The following UTRN variants were observed in gnomAD, a reference collection of about 807,000 sequenced individuals.
The protein encoded by UTRN is dystrophin-related protein 1.
In UTRN, 283 loss-of-function variants were observed where a neutral mutation model predicts 463.9. The observed-to-expected ratio is 0.61, with a 90% confidence interval of 0.55 to 0.67. UTRN has a LOEUF of 0.67. Among genes scored for constraint, UTRN ranks in the 30% least tolerant of loss-of-function variants. UTRN has a pLI of 0.00. For synonymous variants in UTRN, 1,442 were observed against 1,431.5 expected, an observed-to-expected ratio of 1.01 and a Z score of -0.17; for missense variants, 3,922 against 4,084.3, an observed-to-expected ratio of 0.96 and a Z score of 1.08.
intron 65 of UTRN, among the ~76,000 whole-genome samples, chr6:144,816,687 A>T (rs1243300980): frequency 6.7e-6 from 1 of 149,680 alleles, no homozygotes; most frequent in African/African-American, 2.5e-5. Context: ...AATCTTTTTT[A>T]AGTAGCTGGG....
chr6:144,690,558 C>T (rs939347130), intron 52 of UTRN, among the ~76,000 whole-genome samples: 2 of 152,140 alleles, frequency 1.3e-5, no homozygotes, highest in Non-Finnish European at 2.9e-5. Context: ...TATGCCCACT[C>T]AAGTTTATAT....
In UTRN at chr6:144,700,187, CA is replaced by C. The variant is rs1194097624; in HGVS notation, c.7756del (p.Met2586CysfsTer20). ...LNMKDEELKK[Q>X]MPIGGDVPAL... is the part of the protein sequence containing the mutation. ...TATGAAAGATGAAGAGCTTAAGAAA[CA>C]AATGCCTATTGGAGGAGATGTTCCA... On this transcript the variant is annotated frameshift_variant, in exon 53 of 75. Transcript: ENST00000367545. LOFTEE classifies it high-confidence loss of function. 3 of 1,613,462 alleles carry C rather than the reference CA, an allele frequency of 1.9e-6. No individual in the cohort carries two copies. The highest frequency in any genetic ancestry group is 3.3e-5 in the Admixed American group (2 of 59,966).
At chr6:144,533,015 T>C (rs1359518865) in intron 42 of UTRN, 70 bp from the exon 43 acceptor site, 2 of 793,174 alleles carry the variant, frequency 2.5e-6, no homozygotes, top group Non-Finnish European at 4.1e-6. Context: ...CCACAATACT[T>C]GGGTGGATTC....
In UTRN at chr6:144,852,823, A is replaced by G. The variant is rs544574407; in HGVS notation, c.*1826A>G. ...TTTTCTGCCTGTATTTGTATGCAAA[A>G]TGTCCTCTATCTGCTATTAAAGAAA... On this transcript the variant is annotated 3_prime_UTR_variant, in exon 75 of 75. Transcript: ENST00000367545. The G allele has an allele frequency of 2.6e-4, 39 of 152,734 alleles. No homozygotes were observed. The highest frequency in any genetic ancestry group is 1.1e-3 in the Admixed American group (17 of 15,302). The allele number at this position is 152,734 out of a possible 1,614,324, so 9.5% of individuals were successfully genotyped here.
chr6:144,850,326 C>A (rs138115283), intron 74 of UTRN, among the ~76,000 whole-genome samples: 3 of 152,236 alleles, frequency 2.0e-5, no homozygotes, highest in Non-Finnish European at 4.4e-5. Flanking sequence ...GAATATCTTT[C>A]CTGAGGGTCC....
Position 144,686,076 on chromosome 6 carries a change from T to C in UTRN, c.7652+7498T>C, listed in dbSNP as rs138367345. Among the ~76,000 whole-genome samples, 392 of 152,172 alleles carry C rather than the reference T, an allele frequency of 2.6e-3. 4 individuals carry two copies. Among genetic ancestry groups the C allele is most frequent in the African/African-American group, 8.6e-3 (358 of 41,542 alleles). ...TCCATGTTGAGTTGATTTTTGTATA[T>C]AGTGAGAAATAGGAATTCAGTTTCA... On this transcript the variant is annotated intron_variant, in intron 52 of 74. Coordinates refer to ENST00000367545, the MANE Select transcript of UTRN (RefSeq NM_007124.3).
chr6:144,848,056 GC>G (rs1183156606), intron 74 of UTRN, among the ~76,000 whole-genome samples: 3 of 152,180 alleles, frequency 2.0e-5, no homozygotes, highest in Admixed American at 2.0e-4. Context: ...TGTGAAGTAG[GC>G]TAGGGGTGTG....
At chr6:144,467,961 A>G (rs1216072248) in intron 23 of UTRN, among the ~76,000 whole-genome samples, 1 of 152,088 alleles carries the variant, frequency 6.6e-6, no homozygotes, top group Non-Finnish European at 1.5e-5. Context: ...ATTGAGTATT[A>G]TAAAGTGAAA....
intron 58 of UTRN, among the ~76,000 whole-genome samples, chr6:144,761,780 G>C (rs1178866939): frequency 6.6e-6 from 1 of 152,070 alleles, no homozygotes; most frequent in African/African-American, 2.4e-5. Context: ...TTTTGGTTAT[G>C]TATTTTGCAC....
At chr6:144,305,073 A>T (rs1021857169) in intron 2 of UTRN, among the ~76,000 whole-genome samples, 1 of 152,124 alleles carries the variant, frequency 6.6e-6, no homozygotes, top group Admixed American at 6.5e-5. Context: ...CTGAGATTAC[A>T]GGCATATACC....
intron 51 of UTRN, among the ~76,000 whole-genome samples, chr6:144,615,049 C>G (rs1015011317): frequency 1.3e-5 from 2 of 152,024 alleles, no homozygotes; most frequent in Non-Finnish European, 2.9e-5. Flanking sequence ...AGTTGAGATA[C>G]AGAAAAGATG....
intron 2 of UTRN, among the ~76,000 whole-genome samples, chr6:144,340,523 A>G (rs532446723): frequency 2.0e-5 from 3 of 151,988 alleles, no homozygotes; most frequent in South Asian, 2.1e-4. Flanking sequence ...CTTCAACATT[A>G]CCTCCTGTAG....
At chr6:144,773,500 G>A (rs1359079873) in intron 59 of UTRN, among the ~76,000 whole-genome samples, 1 of 152,178 alleles carries the variant, frequency 6.6e-6, no homozygotes, top group African/African-American at 2.4e-5. Context: ...AAGGGTCATG[G>A]TGACCCTCCT....
At chr6:144,689,680 A>G (rs1783120164) in intron 52 of UTRN, among the ~76,000 whole-genome samples, 1 of 152,088 alleles carries the variant, frequency 6.6e-6, no homozygotes, top group Admixed American at 6.6e-5. Flanking sequence ...GGGTGCCAGC[A>G]CCAGCTCTGA....
chr6:144,827,693 A>G lies in UTRN; in HGVS notation c.9599+17A>G. 6.2e-7 allele frequency: 1 copy of G among 1,612,780 alleles called. No individual in the cohort carries two copies. The highest frequency in any genetic ancestry group is 8.5e-7 in the Non-Finnish European group (1 of 1,179,058). ...TGCCACACGGTAAGAAACTTTGATC[A>G]GAGCCCTCCACTGCACTGCCACCCA... On this transcript the variant is annotated intron_variant, in intron 68 of 74. Transcript: ENST00000367545.
intron 2 of UTRN, among the ~76,000 whole-genome samples, chr6:144,402,880 G>A (rs1783048296): frequency 6.6e-6 from 1 of 152,048 alleles, no homozygotes; most frequent in African/African-American, 2.4e-5. Context: ...CCGGGGTTTA[G>A]GGTGAGACAA....
chr6:144,511,749 A>G (rs77178749), intron 35 of UTRN, among the ~76,000 whole-genome samples: 193 of 152,322 alleles, frequency 1.3e-3, no homozygotes, highest in African/African-American at 4.5e-3. Flanking sequence ...GTCTTTGGTT[A>G]TGCCACTGCT....
intron 51 of UTRN, among the ~76,000 whole-genome samples, chr6:144,580,633 A>T (rs1402907668): frequency 6.6e-6 from 1 of 152,198 alleles, no homozygotes; most frequent in Non-Finnish European, 1.5e-5. Context: ...GGCAAGAGAA[A>T]AGCCGATTCT....
At chr6:144,616,128 A>T (rs1438686293) in intron 51 of UTRN, among the ~76,000 whole-genome samples, 1 of 152,142 alleles carries the variant, frequency 6.6e-6, no homozygotes, top group African/African-American at 2.4e-5. Flanking sequence ...GACCCTAAGG[A>T]TGTACAATGT....
Sources: gnomAD v4.1 joint callset for allele counts (sites outside exome capture counted in the v4.1 genomes callset) on GRCh38, gnomAD v4.1.1 for gene constraint, MANE v1.5 for transcripts, NCBI Gene and HGNC (gene_info 2026-07-23, HGNC 2026-07-21) for gene names.